The following MARK4 variants were observed in gnomAD, a reference collection of about 807,000 sequenced individuals.
The protein encoded by MARK4 is microtubule affinity regulating kinase 4, also known as MAP/microtubule affinity-regulating kinase 4.
MARK4 carries 19 observed loss-of-function variants against 81.5 expected under a neutral mutation model. That is an observed-to-expected ratio of 0.23 (90% CI 0.16 to 0.34). The LOEUF (loss-of-function observed/expected upper bound fraction) is 0.34. Ranked by LOEUF, MARK4 falls within the 10% of genes least tolerant of loss-of-function variation. The pLI is 1.00. For synonymous variants in MARK4, 436 were observed against 439.0 expected (o/e 0.99, Z 0.08); for missense variants, 772 against 1,058.8 (o/e 0.73, Z 3.76).
Position 45,251,334 on chromosome 19 carries a change from C to T in MARK4, c.-255C>T. The T allele has an allele frequency of 6.6e-6, 1 of 150,666 alleles. No individual in the cohort carries two copies. Among genetic ancestry groups the T allele is most frequent in the East Asian group, 2.0e-4 (1 of 5,094 alleles). 9.3% of individuals were successfully genotyped at this position (150,666 alleles called of 1,614,324 possible). Reference sequence around the variant, plus strand: ...GCTTGGGCCGGCTCCGCGCCCCCTCCGCGGCCCCCGCCCGCCCGCCTGCCC... The same window carrying T: ...GCTTGGGCCGGCTCCGCGCCCCCTCTGCGGCCCCCGCCCGCCCGCCTGCCC... On this transcript the variant is annotated 5_prime_UTR_variant, in exon 1 of 17. Coordinates refer to ENST00000262891, the MANE Select transcript of MARK4 (RefSeq NM_001199867.2).
intron 10 of MARK4, among the ~76,000 whole-genome samples, chr19:45,279,369 T>C (rs972992028): frequency 3.3e-5 from 5 of 151,982 alleles, no homozygotes; most frequent in Non-Finnish European, 7.4e-5. Flanking sequence ...ATACAAAAAT[T>C]AGATGAGTGT....
At chr19:45,293,390 G>C (rs1970843813) in intron 13 of MARK4, among the ~76,000 whole-genome samples, 1 of 152,198 alleles carries the variant, frequency 6.6e-6, no homozygotes, top group South Asian at 2.1e-4. Flanking sequence ...AACATTAAAA[G>C]ATAGTAAGAT....
chr19:45,274,191 G>C (rs1314939223), intron 8 of MARK4, among the ~76,000 whole-genome samples: 1 of 152,186 alleles, frequency 6.6e-6, no homozygotes, highest in Non-Finnish European at 1.5e-5. Context: ...GGAGCTTGGA[G>C]TGAGCGGAGA....
At chr19:45,299,877 T>C in intron 16 of MARK4, 22 bp downstream of exon 16, 1 of 1,583,430 alleles carries the variant, frequency 6.3e-7, no homozygotes, top group East Asian at 2.3e-5. Context: ...GGCCTACCCC[T>C]GACTGCCACT....
intron 10 of MARK4, chr19:45,280,138 C>T: frequency 2.2e-6 from 1 of 449,922 alleles, no homozygotes; most frequent in Non-Finnish European, 4.1e-6. Flanking sequence ...TGCTTGTGCC[C>T]AGGAGTTTCA....
In MARK4 at chr19:45,251,631, T is replaced by G; in HGVS notation, c.43T>G (p.Ser15Ala). The G allele has an allele frequency of 7.2e-7, 1 of 1,394,430 alleles. No individual in the cohort carries two copies. The highest frequency in any genetic ancestry group is 1.9e-4 in the Middle Eastern group (1 of 5,224). The allele number at this position is 1,394,430 out of a possible 1,614,324, so 86.4% of individuals were successfully genotyped here. Residue 15 changes from serine (S) to alanine (A), a missense_variant, in exon 1 of 17, where the codon TCG (serine) becomes GCG (alanine). By Grantham distance (99) the Ser-to-Ala change is moderately conservative. Transcript: ENST00000262891. Reference sequence around the variant, plus strand: ...GCTGGCCCCGGGCAACGATCGGAACTCGGACACGGTGAGTGGGGCCCGGCC... The same window carrying G: ...GCTGGCCCCGGGCAACGATCGGAACGCGGACACGGTGAGTGGGGCCCGGCC... The part of the protein sequence containing the change: ...TVLAPGNDRN[S>A]DTHGTLGSGR...
intron 1 of MARK4, among the ~76,000 whole-genome samples, chr19:45,254,374 C>T (rs959752556): frequency 4.6e-5 from 7 of 152,172 alleles, no homozygotes; most frequent in East Asian, 1.9e-4. Flanking sequence ...GCTGCCCTGG[C>T]GCCACCTGAC....
At position 45,297,960 on chromosome 19, in the gene MARK4, C is replaced by T; in HGVS notation, c.1877+6C>T. The stretch of plus-strand genomic sequence containing the variant: ...ACCTCCAAACTGACCCGAAGGTGAG[C>T]TCCGCGGGGATGGCAGGGGCAGGGC... On this transcript the variant is annotated splice_donor_region_variant and intron_variant, in intron 15 of 16. Coordinates refer to ENST00000262891, the MANE Select transcript of MARK4 (RefSeq NM_001199867.2). 1 of 1,551,366 alleles carries T rather than the reference C, an allele frequency of 6.4e-7. No individual in the cohort carries two copies. Among genetic ancestry groups the T allele is most frequent in the Non-Finnish European group, 8.7e-7 (1 of 1,146,932 alleles).
rs181260859 is a variant in MARK4 at position 45,284,840 on chromosome 19, C to T, written c.1277-2607C>T. On this transcript the variant is annotated intron_variant, in intron 12 of 16. Transcript: ENST00000262891. Reference sequence around the variant, plus strand: ...CGCAGTGGCTCTTGCCTTGTAATCCCAGCACTTTGGGAGGCCGAGCTGGGT... The same window carrying T: ...CGCAGTGGCTCTTGCCTTGTAATCCTAGCACTTTGGGAGGCCGAGCTGGGT... 4.7e-3 allele frequency among the ~76,000 whole-genome samples: 714 copies of T among 152,228 alleles called. 8 individuals carry two copies. The highest frequency in any genetic ancestry group is 0.015 in the African/African-American group (641 of 41,556).
intron 8 of MARK4, among the ~76,000 whole-genome samples, chr19:45,275,640 G>T (rs750077570): frequency 2.6e-5 from 4 of 152,230 alleles, no homozygotes; most frequent in Non-Finnish European, 5.9e-5. Flanking sequence ...GTGATAGGCA[G>T]TGTGGCATGG....
Position 45,277,935 on chromosome 19 carries a change from C to T in MARK4, c.799C>T (p.Arg267Ter), listed in dbSNP as rs1375220874. Reference sequence around the variant, plus strand: ...CCCATCCCTGCAGGAGCTGCGGGAGCGAGTACTCAGAGGGAAGTACCGGGT... The same window carrying T: ...CCCATCCCTGCAGGAGCTGCGGGAGTGAGTACTCAGAGGGAAGTACCGGGT... The part of the protein sequence containing the change: ...DGHNLKELRE[R>*]VLRGKYRVPF... The change falls in exon 9 of 17, where the codon CGA becomes TGA. Residue 267 changes from arginine (R) to a stop codon, truncating the protein, a stop_gained. Coordinates refer to ENST00000262891, the MANE Select transcript of MARK4 (RefSeq NM_001199867.2). LOFTEE classifies it high-confidence loss of function. The T allele has an allele frequency of 6.2e-7, 1 of 1,612,320 alleles. No homozygotes were observed. The highest frequency in any genetic ancestry group is 8.5e-7 in the Non-Finnish European group (1 of 1,179,382).
Position 45,280,189 on chromosome 19 carries a change from A to G in MARK4, c.1007-185A>G, listed in dbSNP as rs573631362. 3.5e-6 allele frequency: 2 copies of G among 575,620 alleles called. 1 individual carries two copies. Among genetic ancestry groups the G allele is most frequent in the South Asian group, 4.0e-5 (2 of 50,524 alleles). The allele number at this position is 575,620 out of a possible 1,614,324, so 35.7% of individuals were successfully genotyped here. On this transcript the variant is annotated intron_variant, in intron 10 of 16. Coordinates refer to ENST00000262891, the MANE Select transcript of MARK4 (RefSeq NM_001199867.2). Reference sequence around the variant, plus strand: ...CATAGCAAAACCCTGTCTCTACTGAAAATACAAAAACTGAGGTGGGAGGAT... The same window carrying G: ...CATAGCAAAACCCTGTCTCTACTGAGAATACAAAAACTGAGGTGGGAGGAT...
intron 2 of MARK4, among the ~76,000 whole-genome samples, chr19:45,261,094 T>C (rs746763369): frequency 4.6e-5 from 7 of 152,128 alleles, no homozygotes; most frequent in Non-Finnish European, 7.3e-5. Context: ...TCACGCTGTC[T>C]ACACCATACA....
At chr19:45,266,308 A>G in intron 7 of MARK4, 27 bp downstream of exon 7, 1 of 1,598,884 alleles carries the variant, frequency 6.3e-7, no homozygotes, top group Non-Finnish European at 8.6e-7. Flanking sequence ...CTGTGATCTC[A>G]GGGACCACGG....
chr19:45,279,585 A>G (rs930883447), intron 10 of MARK4, among the ~76,000 whole-genome samples: 4 of 152,206 alleles, frequency 2.6e-5, no homozygotes, highest in African/African-American at 9.6e-5. Flanking sequence ...CAACCTAATT[A>G]TATTAGTAGG....
At position 45,271,555 on chromosome 19, in the gene MARK4, G is replaced by T. The variant is rs1970527485; in HGVS notation, c.633G>T (p.Lys211Asn). The T allele has an allele frequency of 6.2e-7, 1 of 1,614,150 alleles. No individual in the cohort carries two copies. The highest frequency in any genetic ancestry group is 1.3e-5 in the African/African-American group (1 of 74,956). Residue 211 changes from lysine to asparagine, a missense_variant, in exon 8 of 17, where the codon AAG becomes AAT. Around this residue, in one of 3 missense-constraint regions of MARK4, gnomAD observed 109 missense variants for 294.7 expected, o/e 0.37. Coordinates refer to ENST00000262891, the MANE Select transcript of MARK4 (RefSeq NM_001199867.2). This position sits in a 1 kb window ranked among gnomAD's most constrained non-coding sequence, Gnocchi z 4.1. ...GFSNEFTLGS[K>N]LDTFCGSPPY... Reference sequence around the variant, plus strand: ...GCAACGAGTTCACGCTGGGATCGAAGCTGGACACGTTCTGCGGGAGCCCCC... The same window carrying T: ...GCAACGAGTTCACGCTGGGATCGAATCTGGACACGTTCTGCGGGAGCCCCC...
chr19:45,251,824 G>T (rs1225903532), intron 1 of MARK4, among the ~76,000 whole-genome samples, 185 bp downstream of exon 1: 1 of 144,574 alleles, frequency 6.9e-6, no homozygotes, highest in Non-Finnish European at 1.5e-5. Flanking sequence ...AGCCCAGCCC[G>T]ACCCCTGGGG....
chr19:45,267,898 AG>A (rs1358292587), intron 7 of MARK4, among the ~76,000 whole-genome samples: 12 of 151,742 alleles, frequency 7.9e-5, no homozygotes, highest in Non-Finnish European at 1.5e-5. Context: ...TGGGCTCAAG[AG>A]ATTCTCCTGC....
chr19:45,278,021 A>C lies in MARK4; in HGVS notation c.885A>C (p.Pro295=). The C allele has an allele frequency of 6.2e-7, 1 of 1,613,782 alleles. No homozygotes were observed. The highest frequency in any genetic ancestry group is 1.7e-5 in the Admixed American group (1 of 59,964). ...SILRRFLVLN[P]AKRCTLEQIM... ...TGCGGAGATTTTTGGTGCTGAACCCAGCTAAACGCTGTACTCTCGAGGTGA... is the reference window on the plus strand; with the variant it reads ...TGCGGAGATTTTTGGTGCTGAACCCCGCTAAACGCTGTACTCTCGAGGTGA... Residue 295 remains proline (P), a synonymous_variant, in exon 9 of 17, where the codon CCA becomes CCC. Coordinates refer to ENST00000262891, the MANE Select transcript of MARK4 (RefSeq NM_001199867.2).
Sources: allele counts gnomAD v4.1 joint callset (sites outside exome capture counted in the v4.1 genomes callset), GRCh38; gene constraint gnomAD v4.1.1; regional missense constraint gnomAD v4.1.1; non-coding constraint Gnocchi (gnomAD v3.1); transcripts MANE v1.5; gene names NCBI Gene and HGNC (gene_info 2026-07-23, HGNC 2026-07-21).